Variants in RAD54B observed in about 807,000 individuals in gnomAD.
The protein encoded by RAD54B is RAD54 homolog B, also known as DNA repair and recombination protein RAD54B.
In RAD54B, 78 loss-of-function variants were observed where a neutral mutation model predicts 95.8. The observed-to-expected ratio is 0.81, with a 90% CI of 0.68 to 0.98. The LOEUF (loss-of-function observed/expected upper bound fraction) is 0.98, where lower values mean the gene tolerates loss of function less well. Among genes scored for constraint, RAD54B ranks in the 50% least tolerant of loss-of-function variants. The pLI is 0.00. For missense variants in RAD54B, 957 were observed against 1,056.6 expected, an observed-to-expected ratio of 0.91 and a Z score of 1.31; for synonymous variants, 328 against 354.9, an observed-to-expected ratio of 0.92 and a Z score of 0.85.
At chr8:94,425,140 T>A (rs934801846) in intron 3 of RAD54B, among the ~76,000 whole-genome samples, 4 of 151,612 alleles carry the variant, frequency 2.6e-5, no homozygotes, top group African/African-American at 9.7e-5. Flanking sequence ...ATAGTGGGCA[T>A]TATCGTCTTA....
chr8:94,407,566 C>G lies in RAD54B; in HGVS notation c.654G>C (p.Ser218=). The change falls in exon 5 of 15, where the codon TCG becomes TCC. Residue 218 remains serine, a synonymous_variant. Coordinates refer to ENST00000336148, the MANE Select transcript of RAD54B (RefSeq NM_012415.3). ...ATTTCCTGGCAACCTGAGAAGAATGCGAGATAGCAGTACTTCCTCCTCCAA... is the reference window on the plus strand; with the variant it reads ...ATTTCCTGGCAACCTGAGAAGAATGGGAGATAGCAGTACTTCCTCCTCCAA... ...FQLGGGSTAI[S]HSSQVARKCF... The G allele has an allele frequency of 6.2e-7, 1 of 1,613,944 alleles. No homozygotes were observed. The highest frequency in any genetic ancestry group is 8.5e-7 in the Non-Finnish European group (1 of 1,179,924).
rs549261361 is a variant in RAD54B, at chr8:94,381,035, T to C, written c.1986-629A>G. Among the ~76,000 whole-genome samples the C allele has an allele frequency of 2.0e-5, 3 of 152,308 alleles. No individual in the cohort carries two copies. In the East Asian group the frequency reaches 5.8e-4, roughly 29 times the overall value. On this transcript the variant is annotated intron_variant, in intron 11 of 14. Coordinates refer to ENST00000336148, the MANE Select transcript of RAD54B (RefSeq NM_012415.3). ...GAGCCAATGTAGTGGCTTATGCCTG[T>C]AGCCCCTGCTACTCAGGAGGCTGAA...
At chr8:94,427,891 T>C (rs1586161444) in intron 3 of RAD54B, 1 of 947,116 alleles carries the variant, frequency 1.1e-6, no homozygotes, top group South Asian at 4.9e-5. Flanking sequence ...GTTTAAACAT[T>C]TTCACATAAG....
Position 94,475,011 on chromosome 8 carries a change from C to G in RAD54B, c.-27G>C, listed in dbSNP as rs1406208487. On this transcript the variant is annotated 5_prime_UTR_variant, in exon 1 of 15. Coordinates refer to ENST00000336148, the MANE Select transcript of RAD54B (RefSeq NM_012415.3). The stretch of plus-strand genomic sequence containing the variant: ...CCCTGCAGGACGCACCGGCGAAAAT[C>G]TGACAGAAACCACTGGCCCTGCAAA... 3 of 152,440 alleles carry G rather than the reference C, an allele frequency of 2.0e-5. No individual in the cohort carries two copies. In the South Asian group the frequency reaches 6.2e-4, roughly 32 times the overall value. The allele number at this position is 152,440 out of a possible 1,614,324, so 9.4% of individuals were successfully genotyped here. A position where few individuals can be genotyped will look rare whatever the true frequency, so the allele number is the denominator to read the frequency against.
intron 3 of RAD54B, among the ~76,000 whole-genome samples, chr8:94,412,497 T>A (rs1253176489): frequency 6.6e-6 from 1 of 152,034 alleles, no homozygotes. Flanking sequence ...TAAAATTACG[T>A]TGTCTCCTGC....
chr8:94,455,279 T>C (rs1478644595), intron 3 of RAD54B, among the ~76,000 whole-genome samples: 1 of 152,226 alleles, frequency 6.6e-6, no homozygotes, highest in Non-Finnish European at 1.5e-5. Flanking sequence ...TTGACTTCCC[T>C]GAAGCACTCT....
chr8:94,389,263 G>A (rs535637085), intron 10 of RAD54B, among the ~76,000 whole-genome samples: 1 of 152,188 alleles, frequency 6.6e-6, no homozygotes, highest in Admixed American at 6.5e-5. Flanking sequence ...CAAGACGGGC[G>A]ATCTTAATGC....
intron 6 of RAD54B, among the ~76,000 whole-genome samples, chr8:94,401,856 A>G (rs1811273396): frequency 6.6e-6 from 1 of 152,220 alleles, no homozygotes; most frequent in Admixed American, 6.5e-5. Context: ...TAGCAAAGAG[A>G]AAATCCAGAT....
At chr8:94,464,442 T>C (rs1434613538) in intron 2 of RAD54B, among the ~76,000 whole-genome samples, 1 of 151,940 alleles carries the variant, frequency 6.6e-6, no homozygotes, top group Non-Finnish European at 1.5e-5. Flanking sequence ...TGATCTTAGA[T>C]CTGTGTTGAA....
chr8:94,403,633 C>T (rs899949264), intron 6 of RAD54B, among the ~76,000 whole-genome samples: 5 of 151,544 alleles, frequency 3.3e-5, no homozygotes, highest in South Asian at 2.1e-4. Context: ...GCCAAGATAA[C>T]GCCATTGCAC....
chr8:94,404,924 G>A (rs547737557), intron 5 of RAD54B, among the ~76,000 whole-genome samples: 116 of 151,856 alleles, frequency 7.6e-4, no homozygotes, highest in Non-Finnish European at 1.5e-3. Context: ...AGCAATTCTC[G>A]TGCCTCAGCC....
intron 5 of RAD54B, among the ~76,000 whole-genome samples, chr8:94,406,037 A>T (rs1045988741): frequency 1.5e-4 from 14 of 95,862 alleles, no homozygotes; most frequent in Non-Finnish European, 2.5e-4. Context: ...CATATATATA[A>T]AATTCACATG....
intron 14 of RAD54B, among the ~76,000 whole-genome samples, chr8:94,377,925 G>A (rs1399087040): frequency 1.4e-5 from 2 of 138,952 alleles, no homozygotes; most frequent in Admixed American, 7.3e-5. Flanking sequence ...GCAGTGAGCC[G>A]AGATCGCGCC....
chr8:94,474,637 T>C (rs1813252990), intron 1 of RAD54B, among the ~76,000 whole-genome samples: 1 of 152,112 alleles, frequency 6.6e-6, no homozygotes, highest in African/African-American at 2.4e-5. Flanking sequence ...CTTCACCCCC[T>C]GGCCCTGGGG....
chr8:94,458,606 C>T (rs748895921), intron 2 of RAD54B, among the ~76,000 whole-genome samples, 170 bp from the exon 3 acceptor site: 3 of 152,122 alleles, frequency 2.0e-5, no homozygotes, highest in Admixed American at 6.5e-5. Context: ...GTGGCTCATG[C>T]CTGTAATCCC....
rs1811085283 is a variant in RAD54B at position 94,394,020 on chromosome 8, TAAGA to T, written c.1379-142_1379-139del. On this transcript the variant is annotated intron_variant, in intron 8 of 14. Transcript: ENST00000336148. The stretch of plus-strand genomic sequence containing the variant: ...TAAATACAAGCAAATTGCCTAAAAC[TAAGA>T]AAGAGCAGTCAAAGCAAGTTAAAAC... The T allele has an allele frequency of 3.9e-6, 3 of 761,906 alleles. No individual in the cohort carries two copies. The Admixed American group carries it at 8.5e-5, about 22-fold the overall frequency. The allele number at this position is 761,906 out of a possible 1,614,324, so 47.2% of individuals were successfully genotyped here. A position where few individuals can be genotyped will look rare whatever the true frequency, so the allele number is the denominator to read the frequency against.
intron 3 of RAD54B, chr8:94,428,622 A>G: frequency 1.5e-6 from 1 of 654,644 alleles, no homozygotes; most frequent in Non-Finnish European, 1.9e-6. Flanking sequence ...GTCTTTTTAA[A>G]TTTCGTATTA....
chr8:94,397,162 A>G (rs1313194060), intron 8 of RAD54B, among the ~76,000 whole-genome samples: 1 of 152,186 alleles, frequency 6.6e-6, no homozygotes, highest in African/African-American at 2.4e-5. Flanking sequence ...AGATAATATG[A>G]GGAAACAAAA....
intron 3 of RAD54B, chr8:94,436,875 T>C: frequency 1.3e-6 from 2 of 1,504,078 alleles, no homozygotes; most frequent in Admixed American, 2.3e-5. Context: ...CCATTGTTCT[T>C]TTCAAATTAA....
Sources: allele counts gnomAD v4.1 joint callset (sites outside exome capture counted in the v4.1 genomes callset), GRCh38; gene constraint gnomAD v4.1.1; transcripts MANE v1.5; gene names NCBI Gene and HGNC (gene_info 2026-07-23, HGNC 2026-07-21).